Variants in SATB2 observed in about 807,000 individuals in gnomAD.
The protein encoded by SATB2 is DNA-binding protein SATB2.
A neutral mutation model predicts 73.4 loss-of-function variants in SATB2; 1 was observed. That is an observed-to-expected ratio of 0.01 (90% CI 0.00 to 0.06). The LOEUF (loss-of-function observed/expected upper bound fraction) is 0.06, where lower values mean the gene tolerates loss of function less well. SATB2 is among the 10% of genes least tolerant of loss of function. The probability of loss-of-function intolerance (pLI) is 1.00; values close to 1 mark genes in which losing one functional copy is unlikely to be tolerated. For synonymous variants in SATB2, 397 were observed against 367.0 expected (o/e 1.08, Z -0.93); for missense variants, 459 against 945.8 (o/e 0.49, Z 6.75).
At chr2:199,379,564 G>C (rs1228411494) in intron 5 of SATB2, among the ~76,000 whole-genome samples, 2 of 152,094 alleles carry the variant, frequency 1.3e-5, no homozygotes, top group African/African-American at 4.8e-5. Flanking sequence ...GTGAATGTAA[G>C]TGCTTCTCTA....
rs2105782328 is a variant in SATB2 at position 199,318,651 on chromosome 2, C to T, written c.1542+5152G>A. The stretch of plus-strand genomic sequence containing the variant: ...ATGTTTTCACTTTCATATTCTTCGT[C>T]ACTTTCTGAATTTTTTAAAATGAGG... On this transcript the variant is annotated intron_variant, in intron 9 of 10. Transcript: ENST00000417098. Among the ~76,000 whole-genome samples, 3 of 152,052 alleles carry T rather than the reference C, an allele frequency of 2.0e-5. No homozygotes were observed. The South Asian group carries it at 6.2e-4, about 32-fold the overall frequency.
At chr2:199,338,223 C>T (rs1688393692) in intron 7 of SATB2, among the ~76,000 whole-genome samples, 1 of 152,010 alleles carries the variant, frequency 6.6e-6, no homozygotes, top group Non-Finnish European at 1.5e-5. Flanking sequence ...AAAAAATTAG[C>T]CATGCATGGT....
intron 8 of SATB2, among the ~76,000 whole-genome samples, chr2:199,325,129 T>G (rs1687996509): frequency 6.6e-6 from 1 of 152,142 alleles, no homozygotes; most frequent in Non-Finnish European, 1.5e-5. Context: ...CTCAGTAACT[T>G]CTGCCATTTT....
intron 3 of SATB2, among the ~76,000 whole-genome samples, chr2:199,408,668 TG>T (rs1690710107): frequency 1.2e-5 from 1 of 80,296 alleles, no homozygotes; most frequent in African/African-American, 5.0e-5. Flanking sequence ...CTCCTGTGGT[TG>T]TTTAGTCCAC....
intron 3 of SATB2, among the ~76,000 whole-genome samples, chr2:199,390,498 TTC>T (rs1690097708): frequency 1.3e-5 from 2 of 152,182 alleles, no homozygotes; most frequent in African/African-American, 4.8e-5. Flanking sequence ...CTCCTTTCTA[TTC>T]GGAAATACAT....
At chr2:199,327,605 G>T (rs1688067980) in intron 8 of SATB2, among the ~76,000 whole-genome samples, 1 of 152,092 alleles carries the variant, frequency 6.6e-6, no homozygotes, top group Non-Finnish European at 1.5e-5. Flanking sequence ...GAAATGAGTG[G>T]GCTTGGATGT....
intron 2 of SATB2, 44 bp from the exon 3 acceptor site, chr2:199,433,558 C>T (rs376477954): frequency 6.4e-7 from 1 of 1,564,318 alleles, no homozygotes; most frequent in Non-Finnish European, 8.8e-7. Context: ...CATTAAAAAG[C>T]AAATCTCAGT....
chr2:199,371,379 G>T (rs192153153), intron 5 of SATB2, among the ~76,000 whole-genome samples: 24 of 151,562 alleles, frequency 1.6e-4, no homozygotes, highest in Admixed American at 1.4e-3. Flanking sequence ...AGTTGAAAGG[G>T]GCTAACATGA....
chr2:199,328,666 A>G (rs1187168649), intron 8 of SATB2, 32 bp downstream of exon 8: 1 of 1,556,792 alleles, frequency 6.4e-7, no homozygotes, highest in Non-Finnish European at 8.9e-7. Flanking sequence ...TCCAAGACAA[A>G]GAGTGAAAAA....
intron 5 of SATB2, among the ~76,000 whole-genome samples, chr2:199,379,536 A>G (rs1574565663): frequency 6.6e-6 from 1 of 152,152 alleles, no homozygotes; most frequent in Non-Finnish European, 1.5e-5. Flanking sequence ...CCACTTAGCC[A>G]GCTAGTATGC....
intron 3 of SATB2, among the ~76,000 whole-genome samples, chr2:199,416,217 T>C (rs1690976580): frequency 6.6e-6 from 1 of 152,250 alleles, no homozygotes; most frequent in Admixed American, 6.5e-5. Context: ...TGGATTATAC[T>C]TTGTAGGAAA....
At chr2:199,332,684 G>T (rs1431346340) in intron 7 of SATB2, among the ~76,000 whole-genome samples, 1 of 152,114 alleles carries the variant, frequency 6.6e-6, no homozygotes, top group East Asian at 1.9e-4. Context: ...TTCTGAGTCT[G>T]TACTTTCTGT....
At chr2:199,437,559 G>A (rs1344057360) in intron 2 of SATB2, among the ~76,000 whole-genome samples, 2 of 152,196 alleles carry the variant, frequency 1.3e-5, no homozygotes, top group East Asian at 3.9e-4. Context: ...ACAGCACCAG[G>A]TCAGGGTCAA....
intron 9 of SATB2, among the ~76,000 whole-genome samples, chr2:199,322,205 CTG>C (rs1687911238): frequency 6.6e-6 from 1 of 152,302 alleles, no homozygotes; most frequent in East Asian, 1.9e-4. Context: ...AAAAGAAGGA[CTG>C]TGTGAAACTT....
chr2:199,393,888 G>T (rs6758450), intron 3 of SATB2, among the ~76,000 whole-genome samples: 2 of 149,820 alleles, frequency 1.3e-5, no homozygotes, highest in Admixed American at 6.7e-5. Context: ...CAGATCAACC[G>T]AAAAAAAAAT....
At chr2:199,406,292 G>A (rs970993256) in intron 3 of SATB2, among the ~76,000 whole-genome samples, 1 of 151,962 alleles carries the variant, frequency 6.6e-6, no homozygotes. Context: ...ACCTAAACAT[G>A]GTAGAAAGTT....
At position 199,271,220 on chromosome 2, in the gene SATB2, T is replaced by C. The variant is rs1692145512; in HGVS notation, c.*991A>G. Reference sequence around the variant, plus strand: ...TCACAACAAAATGTGGCTCATACTATGAATTCCATATGTCCAATGTCAAAA... The same window carrying C: ...TCACAACAAAATGTGGCTCATACTACGAATTCCATATGTCCAATGTCAAAA... On this transcript the variant is annotated 3_prime_UTR_variant, in exon 11 of 11. Coordinates refer to ENST00000417098, the MANE Select transcript of SATB2 (RefSeq NM_001172509.2). 6.5e-6 allele frequency: 1 copy of C among 152,810 alleles called. No homozygotes were observed. The highest frequency in any genetic ancestry group is 2.1e-4 in the South Asian group (1 of 4,832). The allele number at this position is 152,810 out of a possible 1,614,324, so 9.5% of individuals were successfully genotyped here.
Position 199,455,738 on chromosome 2 carries a change from CATT to C in SATB2, c.169+128_169+130del. On this transcript the variant is annotated intron_variant, in intron 2 of 10. Coordinates refer to ENST00000417098, the MANE Select transcript of SATB2 (RefSeq NM_001172509.2). This position sits in a 1 kb window ranked among gnomAD's most constrained non-coding sequence, Gnocchi z 4.1. ...AGTTGCAGATGAGAGGCGACGGGGG[CATT>C]ATTTGGCAACCTGGAATTCACTTCC... 4.0e-6 allele frequency: 4 copies of C among 1,005,388 alleles called. No homozygotes were observed. Among genetic ancestry groups the C allele is most frequent in the Non-Finnish European group, 5.9e-6 (4 of 676,248 alleles). The allele number at this position is 1,005,388 out of a possible 1,614,324, so 62.3% of individuals were successfully genotyped here.
intron 10 of SATB2, among the ~76,000 whole-genome samples, chr2:199,286,219 T>C (rs1468876529): frequency 6.6e-6 from 1 of 151,632 alleles, no homozygotes; most frequent in Non-Finnish European, 1.5e-5. Context: ...GGTGGCTGAG[T>C]GAAATGCTTC....
Sources: gnomAD v4.1 joint callset for allele counts (sites outside exome capture counted in the v4.1 genomes callset) on GRCh38, gnomAD v4.1.1 for gene constraint, Gnocchi (gnomAD v3.1) non-coding constraint, MANE v1.5 for transcripts, NCBI Gene and HGNC (gene_info 2026-07-23, HGNC 2026-07-21) for gene names.